ANO4: variants seen among roughly 807,000 people sequenced by gnomAD.
ANO4 encodes anoctamin 4.
ANO4 carries 69 observed loss-of-function variants against 141.9 expected under a neutral mutation model. The observed-to-expected ratio is 0.49, with a 90% CI of 0.40 to 0.59. The LOEUF (loss-of-function observed/expected upper bound fraction) is 0.59. ANO4 is among the 20% of genes least tolerant of loss of function. The pLI is 0.00. For missense variants in ANO4, 894 were observed against 1,162.2 expected (o/e 0.77, Z 3.36); for synonymous variants, 350 against 394.3 (o/e 0.89, Z 1.33).
At chr12:101,106,287 G>A (rs938782278) in intron 22 of ANO4, among the ~76,000 whole-genome samples, 8 of 151,956 alleles carry the variant, frequency 5.3e-5, no homozygotes, top group African/African-American at 1.9e-4. Context: ...TGTAAGAGAA[G>A]TCCTAGAAAG....
intron 2 of ANO4, among the ~76,000 whole-genome samples, chr12:100,909,948 T>C (rs2041026836): frequency 6.6e-6 from 1 of 152,200 alleles, no homozygotes; most frequent in Admixed American, 6.5e-5. Context: ...TAAACAAGTA[T>C]TTTTGAAATA....
chr12:100,890,363 C>T (rs1215094537), intron 1 of ANO4, among the ~76,000 whole-genome samples: 5 of 152,134 alleles, frequency 3.3e-5, no homozygotes, highest in Non-Finnish European at 7.4e-5. Flanking sequence ...CATTTTCTTA[C>T]GTAACTGTTA....
intron 7 of ANO4, among the ~76,000 whole-genome samples, chr12:100,982,920 A>G (rs1249388844): frequency 6.6e-6 from 1 of 152,274 alleles, no homozygotes; most frequent in Non-Finnish European, 1.5e-5. Flanking sequence ...TCATCATTTT[A>G]GAGATGAGAG....
At chr12:101,087,305 C>T (rs1003606456) in intron 17 of ANO4, among the ~76,000 whole-genome samples, 20 of 151,646 alleles carry the variant, frequency 1.3e-4, no homozygotes, top group Non-Finnish European at 8.8e-5. Flanking sequence ...ATCGCTTGAG[C>T]CCAGGAGTTC....
intron 3 of ANO4, among the ~76,000 whole-genome samples, chr12:100,775,952 T>G (rs1227271767): frequency 6.6e-6 from 1 of 152,134 alleles, no homozygotes; most frequent in Non-Finnish European, 1.5e-5. Flanking sequence ...GGCCACTGAT[T>G]TTTCTTACCA....
intron 1 of ANO4, among the ~76,000 whole-genome samples, chr12:100,900,584 G>T (rs1463560787): frequency 1.1e-4 from 16 of 151,884 alleles, no homozygotes; most frequent in Non-Finnish European, 1.5e-5. Context: ...TGATAGACTG[G>T]ATTAAGAAAA....
chr12:101,009,347 T>G (rs1313648177), intron 8 of ANO4, among the ~76,000 whole-genome samples: 1 of 152,138 alleles, frequency 6.6e-6, no homozygotes, highest in Non-Finnish European at 1.5e-5. Flanking sequence ...ATCTTGGACT[T>G]TCAGCCTCCA....
At chr12:100,946,248 C>T (rs942630399) in intron 5 of ANO4, among the ~76,000 whole-genome samples, 1 of 152,154 alleles carries the variant, frequency 6.6e-6, no homozygotes, top group African/African-American at 2.4e-5. Flanking sequence ...GTTAGCTTTT[C>T]TCTGAGTGAC....
At chr12:100,777,174 C>A (rs149856764) in intron 3 of ANO4, among the ~76,000 whole-genome samples, 1,798 of 149,306 alleles carry the variant, frequency 0.012, 34 homozygotes, top group African/African-American at 0.042. Context: ...CTCACTGCAA[C>A]CTCAGCCTCC....
intron 1 of ANO4, among the ~76,000 whole-genome samples, chr12:100,835,560 A>G (rs943549152): frequency 9.2e-5 from 14 of 152,186 alleles, no homozygotes; most frequent in African/African-American, 3.1e-4. Flanking sequence ...CATAATGTCT[A>G]TATTAGTTGC....
intron 8 of ANO4, among the ~76,000 whole-genome samples, chr12:101,000,145 A>G (rs1385019432): frequency 6.6e-6 from 1 of 152,080 alleles, no homozygotes; most frequent in East Asian, 1.9e-4. Context: ...ATTACCACAA[A>G]CCAGCAGTAT....
intron 15 of ANO4, among the ~76,000 whole-genome samples, chr12:101,079,734 G>A (rs1177426926): frequency 7.2e-5 from 11 of 152,134 alleles, no homozygotes; most frequent in African/African-American, 7.2e-5. Flanking sequence ...CAAGTGTTCC[G>A]TGCTGGGGAC....
At chr12:100,998,202 C>A (rs1370247395) in intron 8 of ANO4, among the ~76,000 whole-genome samples, 5 of 152,196 alleles carry the variant, frequency 3.3e-5, no homozygotes, top group African/African-American at 9.7e-5. Flanking sequence ...AGAGGCGAGA[C>A]TGGCCTAGTC....
intron 1 of ANO4, among the ~76,000 whole-genome samples, chr12:100,808,629 G>A (rs2035207646): frequency 6.6e-6 from 1 of 152,048 alleles, no homozygotes. Flanking sequence ...AACATTATTT[G>A]ACATGGTTTA....
At chr12:101,080,115 A>G (rs1329763877) in intron 15 of ANO4, among the ~76,000 whole-genome samples, 2 of 152,220 alleles carry the variant, frequency 1.3e-5, no homozygotes, top group African/African-American at 4.8e-5. Context: ...TATGTGTAAT[A>G]GTTTTTTGAT....
At chr12:101,048,152 A>G (rs778228680) in intron 13 of ANO4, 189 bp from the exon 14 acceptor site, 1 of 1,027,968 alleles carries the variant, frequency 9.7e-7, no homozygotes, top group Non-Finnish European at 1.4e-6. Context: ...TATCCTCTAT[A>G]TATGAACTAC....
intron 3 of ANO4, among the ~76,000 whole-genome samples, chr12:100,759,116 G>T (rs984651877): frequency 2.0e-5 from 3 of 152,178 alleles, no homozygotes; most frequent in Non-Finnish European, 4.4e-5. Context: ...CTCATTTGAG[G>T]ATATGGAAAC....
At chr12:100,910,028 C>T (rs2041029552) in intron 2 of ANO4, among the ~76,000 whole-genome samples, 1 of 151,692 alleles carries the variant, frequency 6.6e-6, no homozygotes. Flanking sequence ...TTGAAAATTC[C>T]TAAATATTGC....
chr12:100,799,175 C>T lies in ANO4; in HGVS notation c.-141+4148C>T, dbSNP rs1197873012. Among the ~76,000 whole-genome samples, 3 of 152,134 alleles carry T rather than the reference C, an allele frequency of 2.0e-5. No individual in the cohort carries two copies. The East Asian group carries it at 5.8e-4, about 29-fold the overall frequency. ...ACCAGATAATCCCAGAGGACTGTAA[C>T]CCAGCCATTAAAAATTGTGAAGTAT... On this transcript the variant is annotated intron_variant, in intron 1 of 27. Transcript: ENST00000392977.
Sources: allele counts gnomAD v4.1 joint callset (sites outside exome capture counted in the v4.1 genomes callset), GRCh38; gene constraint gnomAD v4.1.1; transcripts MANE v1.5; gene names NCBI Gene and HGNC (gene_info 2026-07-23, HGNC 2026-07-21).